The following MYH14 variants were observed in gnomAD, a reference collection of about 807,000 sequenced individuals.
MYH14 encodes the protein myosin-14.
MYH14 carries 123 observed loss-of-function variants against 255.5 expected under a neutral mutation model. The ratio of observed to expected loss-of-function variants is 0.48; its 90% CI spans 0.42 to 0.56. The LOEUF (loss-of-function observed/expected upper bound fraction) is 0.56. Among genes scored for constraint, MYH14 ranks in the 20% least tolerant of loss-of-function variants. The probability of loss-of-function intolerance (pLI) is 0.00; values close to 1 mark genes in which losing one functional copy is unlikely to be tolerated. For missense variants in MYH14, 2,423 were observed against 2,802.3 expected (o/e 0.86, Z 3.06); for synonymous variants, 1,095 against 1,161.2 (o/e 0.94, Z 1.16).
At chr19:50,246,422 G>A (rs1050567169) in intron 11 of MYH14, among the ~76,000 whole-genome samples, 3 of 152,132 alleles carry the variant, frequency 2.0e-5, no homozygotes, top group Admixed American at 6.6e-5. Context: ...CTGGGATTAC[G>A]GGCGTGAGCC....
chr19:50,268,501 A>G (rs1230409401), intron 24 of MYH14, 134 bp downstream of exon 24: 4 of 996,712 alleles, frequency 4.0e-6, no homozygotes, highest in Non-Finnish European at 4.3e-6. Flanking sequence ...ATTTGCAAAA[A>G]GAATACATTT....
intron 40 of MYH14, among the ~76,000 whole-genome samples, chr19:50,304,551 C>T (rs1447793996): frequency 2.6e-5 from 4 of 152,200 alleles, no homozygotes; most frequent in Non-Finnish European, 5.9e-5. Flanking sequence ...GATCACACCA[C>T]TGCACTCTAG....
chr19:50,227,386 C>G (rs947401671), intron 8 of MYH14, among the ~76,000 whole-genome samples: 3 of 152,124 alleles, frequency 2.0e-5, no homozygotes, highest in African/African-American at 7.2e-5. Context: ...GAAATGCTGT[C>G]CCGGGGAAGC....
In MYH14 at chr19:50,247,009, CAGA is replaced by C. The variant is rs1234946871; in HGVS notation, c.1219_1221del (p.Lys407del). On this transcript the variant is annotated inframe_deletion, in exon 12 of 43. Transcript: ENST00000642316. ...TTGGTGCCTCTCGCCCTCAGCTGCA[CAGA>C]AGCTCTGCCGCCTCTTGGGACTGGG... 6.2e-7 allele frequency: 1 copy of C among 1,610,244 alleles called. No individual in the cohort carries two copies. The highest frequency in any genetic ancestry group is 8.5e-7 in the Non-Finnish European group (1 of 1,178,214).
At chr19:50,265,720 C>G (rs998462530) in intron 22 of MYH14, among the ~76,000 whole-genome samples, 3 of 151,998 alleles carry the variant, frequency 2.0e-5, no homozygotes, top group Admixed American at 6.6e-5. Flanking sequence ...ACTCAGGAGG[C>G]TGAGGCAGGT....
intron 3 of MYH14, among the ~76,000 whole-genome samples, chr19:50,220,202 A>G (rs2032741704): frequency 6.6e-6 from 1 of 152,106 alleles, no homozygotes; most frequent in South Asian, 2.1e-4. Context: ...TCCCTAAGTC[A>G]GTCCTACCTC....
chr19:50,286,196 A>T (rs1053669125), intron 33 of MYH14: 2 of 274,932 alleles, frequency 7.3e-6, no homozygotes, highest in African/African-American at 2.2e-5. Flanking sequence ...TACATTTAAA[A>T]ATATATATAT....
chr19:50,229,267 G>A (rs2123226081), intron 8 of MYH14, among the ~76,000 whole-genome samples: 1 of 152,278 alleles, frequency 6.6e-6, no homozygotes, highest in Non-Finnish European at 1.5e-5. Flanking sequence ...GTCCAAATAT[G>A]TATTTGGTGG....
chr19:50,300,714 A>G (rs1183071966), intron 39 of MYH14, among the ~76,000 whole-genome samples: 1 of 152,176 alleles, frequency 6.6e-6, no homozygotes, highest in East Asian at 1.9e-4. Context: ...GTGCCACTGC[A>G]CTCCAGCCTG....
At chr19:50,272,865 C>T in intron 27 of MYH14, 134 bp downstream of exon 27, 2 of 852,976 alleles carry the variant, frequency 2.3e-6, no homozygotes, top group Non-Finnish European at 3.6e-6. Context: ...GCCACATCCC[C>T]TCCGAGCCTC....
At chr19:50,289,313 C>T in intron 34 of MYH14, 123 bp from the exon 35 acceptor site, 1 of 780,260 alleles carries the variant, frequency 1.3e-6, no homozygotes, top group Non-Finnish European at 2.1e-6. Flanking sequence ...AATGAACAAA[C>T]TAGGATGGGC....
Position 50,217,745 on chromosome 19 carries a change from AG to A in MYH14, c.541del (p.Ala181ProfsTer73). The part of the protein sequence containing the change: ...EVPPHVYAVT[E>X]GAYRSMLQDR... ...CCACCCCACGTGTACGCAGTGACCGAGGGGGCCTATCGGAGCATGCTGCAGG... is the reference window on the plus strand; with the variant it reads ...CCACCCCACGTGTACGCAGTGACCGAGGGGCCTATCGGAGCATGCTGCAGG... On this transcript the variant is annotated frameshift_variant, in exon 3 of 43. Coordinates refer to ENST00000642316, the MANE Select transcript of MYH14 (RefSeq NM_001145809.2). LOFTEE classifies it high-confidence loss of function. 6.2e-7 allele frequency: 1 copy of A among 1,613,796 alleles called. No individual in the cohort carries two copies. Among genetic ancestry groups the A allele is most frequent in the Non-Finnish European group, 8.5e-7 (1 of 1,179,884 alleles).
chr19:50,259,275 A>T lies in MYH14; in HGVS notation c.2354+10A>T. The T allele has an allele frequency of 6.4e-7, 1 of 1,565,328 alleles. No homozygotes were observed. The highest frequency in any genetic ancestry group is 8.7e-7 in the Non-Finnish European group (1 of 1,154,620). ...AGGAGTTCCGGCAGCGGTGAGCTAG[A>T]GCGAGGGCCCAGGCCCGGCGGAGGG... is the stretch of plus-strand genomic sequence containing the variant. On this transcript the variant is annotated intron_variant, in intron 19 of 42. Coordinates refer to ENST00000642316, the MANE Select transcript of MYH14 (RefSeq NM_001145809.2).
intron 1 of MYH14, among the ~76,000 whole-genome samples, chr19:50,203,907 G>C (rs2031588854): frequency 6.6e-6 from 1 of 152,184 alleles, no homozygotes; most frequent in African/African-American, 2.4e-5. Context: ...AGGCCCGGTC[G>C]GGGTCCTCGT....
At chr19:50,236,000 T>C (rs1343144093) in intron 10 of MYH14, among the ~76,000 whole-genome samples, 1 of 150,168 alleles carries the variant, frequency 6.7e-6, no homozygotes, top group Non-Finnish European at 1.5e-5. Context: ...GATAGAGCCT[T>C]AGGTTGTTTC....
chr19:50,309,767 T>TG lies in MYH14; in HGVS notation c.6088_6089insG (p.Ser2030CysfsTer17). The TG allele has an allele frequency of 1.9e-6, 3 of 1,570,822 alleles. No individual in the cohort carries two copies. The highest frequency in any genetic ancestry group is 2.6e-6 in the Non-Finnish European group (3 of 1,155,554). On this transcript the variant is annotated frameshift_variant, in exon 43 of 43. Transcript: ENST00000642316. LOFTEE classifies it high-confidence loss of function. Reference sequence around the variant, plus strand: ...TGGGCCATCCCCGGAGCCTGAGGGGTCCCCACCAGCCCACCCCCAGTGACC... The same window carrying TG: ...TGGGCCATCCCCGGAGCCTGAGGGGTGCCCCACCAGCCCACCCCCAGTGACC...
At chr19:50,205,634 C>T (rs1434342361) in intron 1 of MYH14, 3 of 152,358 alleles carry the variant, frequency 2.0e-5, no homozygotes, top group African/African-American at 7.2e-5. Flanking sequence ...GGCTCTCAGA[C>T]TCCTGGATCT....
intron 39 of MYH14, among the ~76,000 whole-genome samples, chr19:50,295,606 C>T (rs903094931): frequency 1.3e-5 from 2 of 152,054 alleles, no homozygotes; most frequent in African/African-American, 4.8e-5. Flanking sequence ...GCTTGGATGA[C>T]ATGGCAAAAC....
intron 3 of MYH14, among the ~76,000 whole-genome samples, chr19:50,219,056 A>C (rs4802671): frequency 0.56 from 73,806 of 131,812 alleles, 22,295 homozygotes; most frequent in South Asian, 0.68. Context: ...CTCTCTCTCT[A>C]TATATATATA....
Sources: allele counts gnomAD v4.1 joint callset (sites outside exome capture counted in the v4.1 genomes callset), GRCh38; gene constraint gnomAD v4.1.1; transcripts MANE v1.5; gene names NCBI Gene and HGNC (gene_info 2026-07-23, HGNC 2026-07-21).